TSHZ2: variants seen among roughly 807,000 people sequenced by gnomAD.
The protein encoded by TSHZ2 is teashirt homolog 2.
In TSHZ2, 21 loss-of-function variants were observed where a neutral mutation model predicts 74.4. The ratio of observed to expected loss-of-function variants is 0.28; its 90% CI spans 0.20 to 0.41. The LOEUF (loss-of-function observed/expected upper bound fraction) is 0.41, where lower values mean the gene tolerates loss of function less well. TSHZ2 is among the 10% of genes least tolerant of loss of function. The probability of loss-of-function intolerance (pLI) is 1.00; values close to 1 mark genes in which losing one functional copy is unlikely to be tolerated. For missense variants in TSHZ2, 1,244 were observed against 1,293.5 expected (o/e 0.96, Z 0.59); for synonymous variants, 540 against 515.3 (o/e 1.05, Z -0.65).
chr20:53,191,317 C>G (rs1163037182), intron 1 of TSHZ2, among the ~76,000 whole-genome samples: 1 of 152,098 alleles, frequency 6.6e-6, no homozygotes, highest in Admixed American at 6.5e-5. Context: ...CAATATTTCT[C>G]TACTCCATTC....
At chr20:53,008,386 G>A (rs1280094387) in intron 1 of TSHZ2, among the ~76,000 whole-genome samples, 3 of 152,168 alleles carry the variant, frequency 2.0e-5, no homozygotes, top group Admixed American at 2.0e-4. Context: ...CTTGTCCTGG[G>A]CAAATAGAAA....
chr20:53,195,802 G>A (rs918340592), intron 1 of TSHZ2, among the ~76,000 whole-genome samples: 2 of 152,124 alleles, frequency 1.3e-5, no homozygotes, highest in African/African-American at 2.4e-5. Context: ...AACTGTTGCC[G>A]AACTAGTATT....
chr20:53,151,182 GAGAT>G (rs1568783950), intron 1 of TSHZ2, among the ~76,000 whole-genome samples: 1 of 152,186 alleles, frequency 6.6e-6, no homozygotes, highest in East Asian at 1.9e-4. Flanking sequence ...AGAGTCATAA[GAGAT>G]AGAATTGGGA....
chr20:53,446,379 C>T (rs948030226), intron 2 of TSHZ2, among the ~76,000 whole-genome samples: 46 of 144,074 alleles, frequency 3.2e-4, no homozygotes, highest in South Asian at 4.5e-4. Context: ...CTGGCTAACA[C>T]GGTGAAACCC....
intron 1 of TSHZ2, among the ~76,000 whole-genome samples, chr20:53,181,995 C>T (rs1296779265): frequency 6.6e-6 from 1 of 152,130 alleles, no homozygotes; most frequent in Non-Finnish European, 1.5e-5. Context: ...AATTCTCTGA[C>T]TTTTTATTTG....
At chr20:53,129,491 G>T (rs1275760565) in intron 1 of TSHZ2, among the ~76,000 whole-genome samples, 1 of 152,090 alleles carries the variant, frequency 6.6e-6, no homozygotes, top group Non-Finnish European at 1.5e-5. Flanking sequence ...ATTATAATCT[G>T]TACCATACTA....
chr20:53,429,879 G>A (rs1983779839), intron 2 of TSHZ2, among the ~76,000 whole-genome samples: 2 of 152,064 alleles, frequency 1.3e-5, no homozygotes, highest in South Asian at 4.1e-4. Context: ...CTGACGTTGT[G>A]AGTTGAATAA....
intron 1 of TSHZ2, among the ~76,000 whole-genome samples, chr20:53,233,464 T>A (rs965253419): frequency 3.0e-4 from 46 of 152,196 alleles, no homozygotes; most frequent in African/African-American, 1.1e-3. Flanking sequence ...ACTGGGAAGT[T>A]GAGCAGGAGG....
chr20:53,106,819 T>C (rs1986389943), intron 1 of TSHZ2, among the ~76,000 whole-genome samples: 1 of 151,182 alleles, frequency 6.6e-6, no homozygotes, highest in African/African-American at 2.4e-5. Flanking sequence ...AGCCTCAGCC[T>C]CCCAAGTAGC....
chr20:53,277,195 AC>A (rs575852113), intron 2 of TSHZ2, among the ~76,000 whole-genome samples: 7 of 152,206 alleles, frequency 4.6e-5, no homozygotes, highest in Non-Finnish European at 7.3e-5. Context: ...CTTCCTCTTG[AC>A]TTAGCTTAAT....
intron 1 of TSHZ2, among the ~76,000 whole-genome samples, chr20:53,139,861 A>T (rs1447263950): frequency 6.6e-6 from 1 of 152,188 alleles, no homozygotes; most frequent in Non-Finnish European, 1.5e-5. Context: ...TAGCTGCCCT[A>T]AGAAGCTTTT....
intron 2 of TSHZ2, among the ~76,000 whole-genome samples, chr20:53,281,132 A>G (rs1192101461): frequency 6.6e-6 from 1 of 152,234 alleles, no homozygotes; most frequent in Non-Finnish European, 1.5e-5. Flanking sequence ...TTAATCAAAG[A>G]GAATAATTTC....
chr20:53,141,728 C>G (rs1442548384), intron 1 of TSHZ2, among the ~76,000 whole-genome samples: 1 of 152,216 alleles, frequency 6.6e-6, no homozygotes. Flanking sequence ...TTCCTGCAAT[C>G]CCCTCAGTTA....
At chr20:53,238,450 C>A (rs138544608) in intron 1 of TSHZ2, among the ~76,000 whole-genome samples, 49 of 152,192 alleles carry the variant, frequency 3.2e-4, no homozygotes, top group Admixed American at 1.1e-3. Flanking sequence ...ACCTTTGAGT[C>A]ATAGGTTCAG....
At chr20:52,993,176 A>G (rs1455194387) in intron 1 of TSHZ2, among the ~76,000 whole-genome samples, 3 of 152,174 alleles carry the variant, frequency 2.0e-5, no homozygotes, top group Non-Finnish European at 4.4e-5. Context: ...AATATATAAC[A>G]TCCATATAAT....
rs1981504473 is a variant in TSHZ2 at position 52,980,081 on chromosome 20, C to G, written c.40+6748C>G. Among the ~76,000 whole-genome samples the G allele has an allele frequency of 1.3e-5, 2 of 152,192 alleles. 1 individual carries two copies. The highest frequency in any genetic ancestry group is 1.3e-4 in the Admixed American group (2 of 15,286). Reference sequence around the variant, plus strand: ...TCTCTGGACACACAGATGTAAGACACTATATTACACAACACTTTTTAAAAA... The same window carrying G: ...TCTCTGGACACACAGATGTAAGACAGTATATTACACAACACTTTTTAAAAA... On this transcript the variant is annotated intron_variant, in intron 1 of 2. Transcript: ENST00000371497.
chr20:53,185,674 C>T (rs1988581987), intron 1 of TSHZ2: 21 of 1,535,960 alleles, frequency 1.4e-5, no homozygotes, highest in Non-Finnish European at 1.7e-5. Context: ...CTCCATTATA[C>T]AGGTACAACA....
At chr20:53,423,180 C>T (rs1983539946) in intron 2 of TSHZ2, among the ~76,000 whole-genome samples, 1 of 152,150 alleles carries the variant, frequency 6.6e-6, no homozygotes, top group Non-Finnish European at 1.5e-5. Context: ...AGGCGGATAT[C>T]TTGAGGTCAG....
chr20:53,149,089 C>T (rs972629364), intron 1 of TSHZ2, among the ~76,000 whole-genome samples: 3 of 152,090 alleles, frequency 2.0e-5, no homozygotes, highest in Middle Eastern at 6.8e-3. Context: ...CCCCCTCAAG[C>T]TGAAACTTTT....
Sources: allele counts gnomAD v4.1 joint callset (sites outside exome capture counted in the v4.1 genomes callset), GRCh38; gene constraint gnomAD v4.1.1; transcripts MANE v1.5; gene names NCBI Gene and HGNC (gene_info 2026-07-23, HGNC 2026-07-21).